The following EDA variants were observed in gnomAD, a reference collection of about 807,000 sequenced individuals.
EDA encodes ectodysplasin-A.
Under a neutral mutation model 23.6 loss-of-function variants are expected in EDA, and 2 were observed. That is an observed-to-expected ratio of 0.08 (90% CI 0.03 to 0.27). The LOEUF is 0.27. Among genes scored for constraint, EDA ranks in the 10% least tolerant of loss-of-function variants. The pLI is 1.00. For synonymous variants in EDA, 131 were observed against 132.0 expected (o/e 0.99, Z 0.05); for missense variants, 229 against 324.2 (o/e 0.71, Z 2.26).
rs780949777 is a variant in EDA at position 69,830,938 on chromosome X, G to A, written c.397-126089G>A. On this transcript the variant is annotated intron_variant, in intron 1 of 7. Transcript: ENST00000374552. The stretch of plus-strand genomic sequence containing the variant: ...GGTTCCATAGCCAAAGAAGTTTGGG[G>A]TATACCACATACTATGTTTCTCCCT... Among the ~76,000 whole-genome samples the A allele has an allele frequency of 2.5e-4, 28 of 111,447 alleles. 1 individual carries two copies. The East Asian group carries it at 6.2e-3, about 25-fold the overall frequency.
chrX:69,616,920 G>GA (rs1476012146), intron 1 of EDA: 6 of 479,939 alleles, frequency 1.3e-5, no homozygotes, highest in African/African-American at 2.4e-5. Flanking sequence ...CCTTGACTTG[G>GA]AAAGTCTCGC....
At chrX:69,947,611 G>A (rs185411498) in intron 1 of EDA, among the ~76,000 whole-genome samples, 8 of 111,966 alleles carry the variant, frequency 7.1e-5, no homozygotes, top group East Asian at 5.6e-4. Context: ...GTATTTCTAC[G>A]CATGTCAGCA....
Position 69,828,435 on chromosome X carries a change from A to G in EDA, c.397-128592A>G, listed in dbSNP as rs1213618295. Reference sequence around the variant, plus strand: ...TTTTTTAAGCCCATTGGAAAAGCGCAGTATTCGGGTGGGAGTGACCCGATT... The same window carrying G: ...TTTTTTAAGCCCATTGGAAAAGCGCGGTATTCGGGTGGGAGTGACCCGATT... On this transcript the variant is annotated intron_variant, in intron 1 of 7. Transcript: ENST00000374552. Among the ~76,000 whole-genome samples the G allele has an allele frequency of 4.5e-5, 5 of 112,198 alleles. No individual in the cohort carries two copies. In the East Asian group the frequency reaches 1.4e-3, roughly 32 times the overall value.
rs778012479 is a variant in EDA at position 69,713,549 on chromosome X, G to A, written c.396+96845G>A. ...CCCTTTACCCCATGTCTAACCCCTG[G>A]CAACCACTAATCTCCTGTTTCTACA... On this transcript the variant is annotated intron_variant, in intron 1 of 7. Coordinates refer to ENST00000374552, the MANE Select transcript of EDA (RefSeq NM_001399.5). Among the ~76,000 whole-genome samples, 4 of 111,305 alleles carry A rather than the reference G, an allele frequency of 3.6e-5. No homozygotes were observed. The East Asian group carries it at 1.1e-3, about 32-fold the overall frequency.
chrX:69,782,366 TAAAAAA>T (rs751293381), intron 1 of EDA, among the ~76,000 whole-genome samples: 784 of 65,438 alleles, frequency 0.012, 7 homozygotes, highest in African/African-American at 0.017. Flanking sequence ...TAAATGCTCT[TAAAAAA>T]AAAAAAAAAA....
intron 1 of EDA, among the ~76,000 whole-genome samples, chrX:69,666,294 T>C (rs1430386105): frequency 8.9e-6 from 1 of 112,430 alleles, no homozygotes; most frequent in Non-Finnish European, 1.9e-5. Flanking sequence ...TGTTTCTTTT[T>C]CTTGTCTGAT....
Position 69,663,860 on chromosome X carries a change from A to G in EDA, c.396+47156A>G, listed in dbSNP as rs1040389503. On this transcript the variant is annotated intron_variant, in intron 1 of 7. Coordinates refer to ENST00000374552, the MANE Select transcript of EDA (RefSeq NM_001399.5). ...ATGTGAGACATGGAATTCAAAGGAG[A>G]TAATTTTGGAGCTCTAAGATTTAAC... Among the ~76,000 whole-genome samples, 5 of 112,280 alleles carry G rather than the reference A, an allele frequency of 4.5e-5. No individual in the cohort carries two copies. In the East Asian group the frequency reaches 1.4e-3, roughly 32 times the overall value.
chrX:69,872,688 CA>C (rs2017584443), intron 1 of EDA, among the ~76,000 whole-genome samples: 2 of 111,610 alleles, frequency 1.8e-5, no homozygotes, highest in African/African-American at 6.5e-5. Context: ...ACTAGTCCAA[CA>C]GGAAAATATC....
chrX:69,983,778 G>C (rs1364722116), intron 2 of EDA, among the ~76,000 whole-genome samples: 2 of 96,708 alleles, frequency 2.1e-5, no homozygotes, highest in Non-Finnish European at 4.1e-5. Flanking sequence ...GGCGTTCTCT[G>C]TATTTCCTGA....
rs1931936703 is a variant in EDA at position 69,616,427 on chromosome X, G to T, written c.119G>T (p.Cys40Phe). 8.3e-7 allele frequency: 1 copy of T among 1,211,522 alleles called. No homozygotes were observed. The highest frequency in any genetic ancestry group is 1.1e-6 in the Non-Finnish European group (1 of 895,436). Residue 40 changes from cysteine to phenylalanine, a missense_variant, in exon 1 of 8, where the codon TGC becomes TTC. Coordinates refer to ENST00000374552, the MANE Select transcript of EDA (RefSeq NM_001399.5). ...GCCCGGGCGGGCGAAGGGAACAGCT[G>T]CCTGCTCTTCCTGGGTTTCTTTGGC... ...APARAGEGNS[C>F]LLFLGFFGLS...
intron 1 of EDA, among the ~76,000 whole-genome samples, chrX:69,690,068 G>GTA (rs141596755): frequency 1.8e-5 from 2 of 110,709 alleles, no homozygotes; most frequent in Non-Finnish European, 3.8e-5. Context: ...TTGTGTGTGT[G>GTA]TGTGGATTCC....
At chrX:69,826,831 C>T (rs2016452932) in intron 1 of EDA, among the ~76,000 whole-genome samples, 1 of 111,511 alleles carries the variant, frequency 9.0e-6, no homozygotes, top group Admixed American at 9.6e-5. Flanking sequence ...TTTGCAGTGG[C>T]TGGAACCGGT....
intron 1 of EDA, among the ~76,000 whole-genome samples, chrX:69,887,830 G>A (rs2017852603): frequency 9.0e-6 from 1 of 111,588 alleles, no homozygotes; most frequent in Non-Finnish European, 1.9e-5. Context: ...TGGCAAATCT[G>A]TCTTTTGGAA....
intron 1 of EDA, among the ~76,000 whole-genome samples, chrX:69,887,313 A>T (rs898620329): frequency 9.0e-6 from 1 of 111,724 alleles, no homozygotes; most frequent in South Asian, 3.7e-4. Flanking sequence ...TCTCAAAAAA[A>T]TAATAAAAAC....
intron 1 of EDA, among the ~76,000 whole-genome samples, chrX:69,744,937 C>T (rs2013571611): frequency 8.9e-6 from 1 of 111,902 alleles, no homozygotes; most frequent in African/African-American, 3.2e-5. Context: ...TTTCCTCTCT[C>T]TCACTCTGCC....
chrX:69,641,972 TA>T (rs1932844683), intron 1 of EDA, among the ~76,000 whole-genome samples: 1 of 112,133 alleles, frequency 8.9e-6, no homozygotes, highest in Admixed American at 9.5e-5. Flanking sequence ...GTTATGAGAA[TA>T]AAATACTTGC....
In EDA at chrX:70,032,266, A is replaced by T. The variant is rs78716007; in HGVS notation, c.794-1132A>T. On this transcript the variant is annotated intron_variant, in intron 6 of 7. Transcript: ENST00000374552. The stretch of plus-strand genomic sequence containing the variant: ...AGAGTGAGTGACAGTCCATCTCAGA[A>T]AAAAAAAAAAAAGAAGAAGAAGTGA... Among the ~76,000 whole-genome samples, 3 of 104,743 alleles carry T rather than the reference A, an allele frequency of 2.9e-5. No homozygotes were observed. The South Asian group carries it at 1.3e-3, about 45-fold the overall frequency. 91.0% of individuals were successfully genotyped at this position (104,743 alleles called of 115,157 possible).
intron 1 of EDA, among the ~76,000 whole-genome samples, chrX:69,816,054 A>T (rs1415348079): frequency 9.0e-6 from 1 of 111,493 alleles, no homozygotes; most frequent in South Asian, 3.9e-4. Flanking sequence ...GCATGGGACA[A>T]ACCAAGGCAA....
At chrX:69,634,381 C>T (rs920089762) in intron 1 of EDA, among the ~76,000 whole-genome samples, 5 of 111,294 alleles carry the variant, frequency 4.5e-5, no homozygotes, top group African/African-American at 1.3e-4. Context: ...GGCATGATCT[C>T]GGCTCACTGC....
Sources: gnomAD v4.1 joint callset for allele counts (sites outside exome capture counted in the v4.1 genomes callset) on GRCh38, gnomAD v4.1.1 for gene constraint, MANE v1.5 for transcripts, NCBI Gene and HGNC (gene_info 2026-07-23, HGNC 2026-07-21) for gene names.